The following SPANXN3 variants were observed in gnomAD, a reference collection of about 807,000 sequenced individuals.
The protein encoded by SPANXN3 is SPANX family member N3, also known as sperm protein associated with the nucleus on the X chromosome N3.
SPANXN3 carries 1 observed loss-of-function variant against 1.9 expected under a neutral mutation model. The observed-to-expected ratio is 0.54, with a 90% confidence interval of 0.19 to 2.54. The LOEUF (loss-of-function observed/expected upper bound fraction) is 2.54. SPANXN3 is among the 30% of genes most tolerant of loss of function. The pLI, the probability that SPANXN3 is intolerant of heterozygous loss-of-function variation, is 0.24. For synonymous variants in SPANXN3, 47 were observed against 40.0 expected (o/e 1.17, Z -0.66); for missense variants, 113 against 96.2 (o/e 1.17, Z -0.73).
In SPANXN3 at chrX:143,509,130, G is replaced by C. The variant is rs145086130; in HGVS notation, c.111C>G (p.Pro37=). 1 of 1,207,881 alleles carries C rather than the reference G, an allele frequency of 8.3e-7. No homozygotes were observed. Among genetic ancestry groups the C allele is most frequent in the Admixed American group, 2.2e-5 (1 of 45,636 alleles). The change falls in exon 2 of 2, where the codon CCC becomes CCG. Residue 37 remains proline, a synonymous_variant. Transcript: ENST00000370503. ...MQEVPNRVLA[P]EQSLKNTKTS... is the part of the protein sequence containing the mutation. Reference sequence around the variant, plus strand: ...TTTTTGTGTTCTTCAAACTCTGTTCGGGGGCTAAGACTCTGTTTGGTACCT... The same window carrying C: ...TTTTTGTGTTCTTCAAACTCTGTTCCGGGGCTAAGACTCTGTTTGGTACCT...
chrX:143,517,445 C>G lies in SPANXN3; in HGVS notation c.-54G>C. 1 of 1,159,715 alleles carries G rather than the reference C, an allele frequency of 8.6e-7. No individual in the cohort carries two copies. Among genetic ancestry groups the G allele is most frequent in the Non-Finnish European group, 1.2e-6 (1 of 849,968 alleles). ...GTAGGCTCCTGTAGACTGCAGACTT[C>G]CACAGCTATGTTGAAGCTTCCCAGT... On this transcript the variant is annotated 5_prime_UTR_variant, in exon 1 of 2. Transcript: ENST00000370503.
intron 1 of SPANXN3, among the ~76,000 whole-genome samples, chrX:143,512,083 C>T (rs1270189623): frequency 9.0e-6 from 1 of 111,154 alleles, no homozygotes. Flanking sequence ...ATTCAACAGC[C>T]CCCTTCACCC....
In SPANXN3 at chrX:143,516,415, A is replaced by C. The variant is rs782375681; in HGVS notation, c.78+899T>G. ...CAGCCTAAACATTAACATTTTGCCT[A>C]ACAAGCAGACCATCCAGGTTCCTTT... On this transcript the variant is annotated intron_variant, in intron 1 of 1. Coordinates refer to ENST00000370503, the MANE Select transcript of SPANXN3 (RefSeq NM_001009609.4). Among the ~76,000 whole-genome samples, 5 of 111,754 alleles carry C rather than the reference A, an allele frequency of 4.5e-5. No homozygotes were observed. In the South Asian group the frequency reaches 1.9e-3, roughly 42 times the overall value.
At chrX:143,514,944 G>A (rs782497753) in intron 1 of SPANXN3, among the ~76,000 whole-genome samples, 1 of 111,232 alleles carries the variant, frequency 9.0e-6, no homozygotes, top group South Asian at 3.8e-4. Flanking sequence ...CTCAGCCTAA[G>A]CCCATTTAAA....
intron 1 of SPANXN3, among the ~76,000 whole-genome samples, chrX:143,516,316 TC>T (rs1332170211): frequency 8.9e-6 from 1 of 112,317 alleles, no homozygotes; most frequent in African/African-American, 3.2e-5. Flanking sequence ...ACCCCCAGTG[TC>T]TTCTTCTTTT....
intron 1 of SPANXN3, among the ~76,000 whole-genome samples, chrX:143,516,245 G>A (rs1162466273): frequency 8.9e-6 from 1 of 112,317 alleles, no homozygotes; most frequent in African/African-American, 3.2e-5. Context: ...AAGAATTTCT[G>A]CAGAATTCAA....
intron 1 of SPANXN3, among the ~76,000 whole-genome samples, chrX:143,513,272 G>A (rs1270780523): frequency 9.0e-6 from 1 of 111,625 alleles, no homozygotes; most frequent in African/African-American, 3.3e-5. Flanking sequence ...CCTGGCACAG[G>A]GACTGCCCAA....
chrX:143,512,095 C>G (rs1929104406), intron 1 of SPANXN3, among the ~76,000 whole-genome samples: 1 of 111,332 alleles, frequency 9.0e-6, no homozygotes, highest in South Asian at 3.8e-4. Flanking sequence ...CCTTCACCCA[C>G]TGTTTCCTGG....
chrX:143,513,431 C>T (rs1434476058), intron 1 of SPANXN3, among the ~76,000 whole-genome samples: 2 of 111,862 alleles, frequency 1.8e-5, no homozygotes, highest in East Asian at 2.8e-4. Context: ...AGGCTGGTCA[C>T]TCTGACTAAA....
At chrX:143,509,632 T>C (rs1278151449) in intron 1 of SPANXN3, 1 of 122,569 alleles carries the variant, frequency 8.2e-6, no homozygotes, top group Non-Finnish European at 1.7e-5. Flanking sequence ...AACACCACAA[T>C]GATATTCCAC....
intron 1 of SPANXN3, among the ~76,000 whole-genome samples, chrX:143,514,486 C>G (rs1929169079): frequency 9.0e-6 from 1 of 111,652 alleles, no homozygotes; most frequent in Non-Finnish European, 1.9e-5. Flanking sequence ...AGGAAGCTAT[C>G]AAACCACCTC....
At chrX:143,511,675 C>A (rs1929095752) in intron 1 of SPANXN3, among the ~76,000 whole-genome samples, 1 of 111,737 alleles carries the variant, frequency 8.9e-6, no homozygotes, top group Admixed American at 9.5e-5. Flanking sequence ...TGGCAACAGT[C>A]AACTCCAGGA....
intron 1 of SPANXN3, among the ~76,000 whole-genome samples, chrX:143,514,507 C>G (rs1556412189): frequency 9.0e-6 from 1 of 111,612 alleles, no homozygotes; most frequent in Admixed American, 9.5e-5. Context: ...CTTTCCAACA[C>G]ACAAGGTCTG....
chrX:143,511,701 A>G (rs1280215038), intron 1 of SPANXN3, among the ~76,000 whole-genome samples: 4 of 111,808 alleles, frequency 3.6e-5, no homozygotes, highest in Non-Finnish European at 7.5e-5. Flanking sequence ...TTATAAGTGC[A>G]TCCAACAGGG....
chrX:143,511,558 G>C (rs1929092484), intron 1 of SPANXN3, among the ~76,000 whole-genome samples: 1 of 111,403 alleles, frequency 9.0e-6, no homozygotes, highest in African/African-American at 3.3e-5. Flanking sequence ...TATAAGATTA[G>C]AGAGGAAGAA....
intron 1 of SPANXN3, among the ~76,000 whole-genome samples, chrX:143,516,272 G>A (rs184324508): frequency 2.0e-3 from 219 of 112,191 alleles, no homozygotes; most frequent in Middle Eastern, 0.014. Context: ...CCTTCTCATG[G>A]CTTGCCACCA....
intron 1 of SPANXN3, among the ~76,000 whole-genome samples, chrX:143,515,645 C>A (rs1929198247): frequency 9.1e-6 from 1 of 110,194 alleles, no homozygotes; most frequent in Non-Finnish European, 1.9e-5. Context: ...CCTTCATCAG[C>A]CTCACACCTT....
At chrX:143,512,746 C>T (rs1929122673) in intron 1 of SPANXN3, among the ~76,000 whole-genome samples, 1 of 111,702 alleles carries the variant, frequency 9.0e-6, no homozygotes, top group Non-Finnish European at 1.9e-5. Flanking sequence ...GGACTGTACT[C>T]TTACAGGGGT....
intron 1 of SPANXN3, among the ~76,000 whole-genome samples, chrX:143,514,275 G>GA (rs1412082210): frequency 9.0e-6 from 1 of 110,985 alleles, no homozygotes; most frequent in Middle Eastern, 4.3e-3. Flanking sequence ...TGCCATTCAG[G>GA]AAAAAATTGT....
Sources: allele counts gnomAD v4.1 joint callset (sites outside exome capture counted in the v4.1 genomes callset), GRCh38; gene constraint gnomAD v4.1.1; transcripts MANE v1.5; gene names NCBI Gene and HGNC (gene_info 2026-07-23, HGNC 2026-07-21).